TEX11: variants seen among roughly 807,000 people sequenced by gnomAD.
TEX11 encodes testis expressed 11.
TEX11 carries 7 observed loss-of-function variants against 84.4 expected under a neutral mutation model. That is an observed-to-expected ratio of 0.08 (90% CI 0.05 to 0.16). The LOEUF is 0.16. Among genes scored for constraint, TEX11 ranks in the 10% least tolerant of loss-of-function variants. The pLI is 1.00. For missense variants in TEX11, 551 were observed against 660.5 expected (o/e 0.83, Z 1.82); for synonymous variants, 264 against 222.8 (o/e 1.18, Z -1.64).
In TEX11 at chrX:70,548,274, G is replaced by T. The variant is rs1230557004; in HGVS notation, c.2520+3852C>A. On this transcript the variant is annotated intron_variant, in intron 28 of 29. Coordinates refer to ENST00000374333, the MANE Select transcript of TEX11 (RefSeq NM_031276.3). Reference sequence around the variant, plus strand: ...CACACACCGGGGCCTGTTGTGGGGTGGGGGGAGTGGGGAGGGATAGCATTA... The same window carrying T: ...CACACACCGGGGCCTGTTGTGGGGTTGGGGGAGTGGGGAGGGATAGCATTA... 7.6e-5 allele frequency among the ~76,000 whole-genome samples: 8 copies of T among 105,701 alleles called. No homozygotes were observed. The East Asian group carries it at 8.8e-4, about 12-fold the overall frequency. 91.8% of individuals were successfully genotyped at this position (105,701 alleles called of 115,157 possible).
intron 28 of TEX11, among the ~76,000 whole-genome samples, chrX:70,533,483 T>C (rs951850181): frequency 6.3e-5 from 7 of 111,427 alleles, no homozygotes; most frequent in Non-Finnish European, 1.1e-4. Context: ...GAAATGTTCA[T>C]AGTTGGGTGG....
chrX:70,754,120 A>C (rs1407707606), intron 9 of TEX11, among the ~76,000 whole-genome samples: 2 of 111,616 alleles, frequency 1.8e-5, no homozygotes, highest in Non-Finnish European at 3.8e-5. Flanking sequence ...GCCACAGGGA[A>C]GTAGAGCACC....
chrX:70,837,698 T>C (rs2091413730), intron 7 of TEX11, among the ~76,000 whole-genome samples: 1 of 111,997 alleles, frequency 8.9e-6, no homozygotes. Flanking sequence ...ATTTATATAA[T>C]GTTCTTAAAA....
At chrX:70,735,367 G>C (rs1211998070) in intron 11 of TEX11, among the ~76,000 whole-genome samples, 1 of 111,753 alleles carries the variant, frequency 8.9e-6, no homozygotes, top group African/African-American at 3.3e-5. Flanking sequence ...ATATGATCTT[G>C]TATACAGAAA....
chrX:70,841,522 G>A (rs1275530240), intron 7 of TEX11, among the ~76,000 whole-genome samples: 1 of 110,593 alleles, frequency 9.0e-6, no homozygotes, highest in Non-Finnish European at 1.9e-5. Context: ...CCCACAAGAG[G>A]AAGCAGAAAA....
chrX:70,550,890 C>G (rs1426508416), intron 28 of TEX11, among the ~76,000 whole-genome samples: 1 of 111,432 alleles, frequency 9.0e-6, no homozygotes, highest in Non-Finnish European at 1.9e-5. Flanking sequence ...TCCAGCAATC[C>G]CACTACTGGA....
At chrX:70,836,935 T>C (rs2091408757) in intron 7 of TEX11, among the ~76,000 whole-genome samples, 1 of 111,187 alleles carries the variant, frequency 9.0e-6, no homozygotes. Flanking sequence ...GAGAATCACT[T>C]GAGCCTGGGA....
chrX:70,817,766 G>T (rs1382262788), intron 8 of TEX11, among the ~76,000 whole-genome samples: 1 of 102,457 alleles, frequency 9.8e-6, no homozygotes. Flanking sequence ...AAAAGGAAAA[G>T]AAAGGAAAGG....
rs549201546 is a variant in TEX11, at chrX:70,808,107, C to CAA, written c.607-1319_607-1318dup. Among the ~76,000 whole-genome samples the CAA allele has an allele frequency of 1.7e-3, 57 of 32,608 alleles. 11 individuals are homozygous for CAA. The highest frequency in any genetic ancestry group is 6.2e-3 in the South Asian group (2 of 321). The allele number at this position is 32,608 out of a possible 115,157, so 28.3% of individuals were successfully genotyped here. A position where few individuals can be genotyped will look rare whatever the true frequency, so the allele number is the denominator to read the frequency against. On this transcript the variant is annotated intron_variant, in intron 8 of 29. Coordinates refer to ENST00000374333, the MANE Select transcript of TEX11 (RefSeq NM_031276.3). ...TGGATGACAGAGTGAGACTCTGTCT[C>CAA]AAAAAAAAAAAAAAAAAAAAAAAAA...
Position 70,562,753 on chromosome X carries a change from C to G in TEX11, c.2141-7953G>C, listed in dbSNP as rs780506856. ...GTGAAAAATGCATAGAATTGTGTGT[C>G]CACTATCACTGCTCCTTATAGAACA... is the stretch of plus-strand genomic sequence containing the variant. On this transcript the variant is annotated intron_variant, in intron 25 of 29. Coordinates refer to ENST00000374333, the MANE Select transcript of TEX11 (RefSeq NM_031276.3). 1.4e-4 allele frequency among the ~76,000 whole-genome samples: 16 copies of G among 112,064 alleles called. No homozygotes were observed. In the East Asian group the frequency reaches 4.2e-3, roughly 29 times the overall value.
At chrX:70,873,366 T>G in intron 3 of TEX11, 59 bp from the exon 4 acceptor site, 1 of 790,556 alleles carries the variant, frequency 1.3e-6, no homozygotes. Context: ...CCAACGGTAT[T>G]TTCATTCTTG....
chrX:70,903,650 G>A (rs966036286), intron 2 of TEX11, among the ~76,000 whole-genome samples: 3 of 110,155 alleles, frequency 2.7e-5, no homozygotes, highest in Admixed American at 1.9e-4. Context: ...AATGATAAGG[G>A]GACTAGAAAC....
intron 15 of TEX11, among the ~76,000 whole-genome samples, chrX:70,671,948 G>A (rs1405197161): frequency 3.3e-5 from 3 of 90,423 alleles, no homozygotes; most frequent in South Asian, 1.3e-3. Flanking sequence ...CACAGTCAAC[G>A]GAGTGAACAC....
At chrX:70,619,215 A>C (rs1298450654) in intron 20 of TEX11, among the ~76,000 whole-genome samples, 2 of 111,962 alleles carry the variant, frequency 1.8e-5, no homozygotes, top group African/African-American at 6.5e-5. Context: ...GCAGATTCCT[A>C]AGCAAGAAAC....
At chrX:70,637,860 A>G (rs1161429489) in intron 17 of TEX11, among the ~76,000 whole-genome samples, 4 of 110,767 alleles carry the variant, frequency 3.6e-5, no homozygotes, top group African/African-American at 1.3e-4. Flanking sequence ...GCAAACCACC[A>G]TGGCACACGT....
At chrX:70,722,500 C>T in intron 13 of TEX11, 118 bp downstream of exon 13, 1 of 517,466 alleles carries the variant, frequency 1.9e-6, no homozygotes, top group Middle Eastern at 3.5e-4. Flanking sequence ...GTCTCAAGCT[C>T]CTGGGCTCAA....
intron 26 of TEX11, among the ~76,000 whole-genome samples, chrX:70,554,445 T>C (rs1430191909): frequency 9.0e-6 from 1 of 111,653 alleles, no homozygotes; most frequent in Non-Finnish European, 1.9e-5. Flanking sequence ...CCTAAAGAGA[T>C]TATAATCTCA....
chrX:70,844,879 G>T (rs914059511), intron 7 of TEX11, among the ~76,000 whole-genome samples: 3 of 109,921 alleles, frequency 2.7e-5, no homozygotes, highest in Admixed American at 9.7e-5. Flanking sequence ...AGGCTGCAGT[G>T]AGCTGAGACT....
chrX:70,621,520 CAAAAAAAAAAAAAAA>C (rs1159445117), intron 20 of TEX11, among the ~76,000 whole-genome samples: 8 of 14,939 alleles, frequency 5.4e-4, no homozygotes, highest in African/African-American at 3.1e-3. Flanking sequence ...AACTCGGTCT[CAAAAAAAAAAAAAAA>C]AAAAAAAAAA....
Sources: allele counts gnomAD v4.1 joint callset (sites outside exome capture counted in the v4.1 genomes callset), GRCh38; gene constraint gnomAD v4.1.1; transcripts MANE v1.5; gene names NCBI Gene and HGNC (gene_info 2026-07-23, HGNC 2026-07-21).